S100Z: variants seen among roughly 807,000 people sequenced by gnomAD.
S100Z encodes protein S100-Z.
In S100Z, 11 loss-of-function variants were observed where a neutral mutation model predicts 8.5. That is an observed-to-expected ratio of 1.30 (90% confidence interval 0.82 to 2.15). The LOEUF is 2.15. Ranked by LOEUF, S100Z falls within the 30% of genes most tolerant of loss-of-function variation. S100Z has a pLI of 0.00. For missense variants in S100Z, 126 were observed against 117.9 expected (o/e 1.07, Z -0.32); for synonymous variants, 34 against 43.8 (o/e 0.78, Z 0.89).
At chr5:76,893,466 C>T (rs941698667) in intron 4 of S100Z, among the ~76,000 whole-genome samples, 1 of 151,860 alleles carries the variant, frequency 6.6e-6, no homozygotes, top group African/African-American at 2.4e-5. Context: ...TTGATTGAAC[C>T]TAGGAGGTCA....
intron 4 of S100Z, among the ~76,000 whole-genome samples, chr5:76,901,791 A>G (rs966381946): frequency 6.6e-6 from 1 of 152,104 alleles, no homozygotes; most frequent in Admixed American, 6.5e-5. Context: ...GTTGCTCCAT[A>G]GCCACCACAG....
intron 2 of S100Z, among the ~76,000 whole-genome samples, chr5:76,871,724 A>G (rs1218439696): frequency 6.6e-6 from 1 of 151,938 alleles, no homozygotes; most frequent in Non-Finnish European, 1.5e-5. Context: ...ACAGGGTTTC[A>G]CCATGTTGGC....
chr5:76,936,655 AC>A, the S100Z span, among the ~76,000 whole-genome samples: 1 of 150,074 alleles, frequency 6.7e-6, no homozygotes, highest in African/African-American at 2.5e-5. Context: ...ACACACACAC[AC>A]AACCATGAAG....
chr5:76,893,629 C>T (rs892013989), intron 4 of S100Z, among the ~76,000 whole-genome samples: 7 of 152,076 alleles, frequency 4.6e-5, no homozygotes, highest in Admixed American at 3.9e-4. Context: ...ATGTTCGGTG[C>T]CTCCAGGGAA....
chr5:76,896,331 C>T (rs1305688645), intron 4 of S100Z, among the ~76,000 whole-genome samples: 2 of 152,156 alleles, frequency 1.3e-5, no homozygotes, highest in Admixed American at 6.5e-5. Context: ...ACATAATGAT[C>T]TTCAGTTCCA....
rs138012786 is a variant in S100Z, at chr5:76,886,195, G to A, written c.*2+8361G>A. On this transcript the variant is annotated intron_variant, in intron 4 of 4. Transcript: ENST00000317593. ...CCGTGAGGTCAGACACCTCTGAAAC[G>A]TGGGTGAATAATCAGGCAGGCGACC... 6.4e-3 allele frequency among the ~76,000 whole-genome samples: 968 copies of A among 152,308 alleles called. 1 individual carries two copies. Among genetic ancestry groups the A allele is most frequent in the Middle Eastern group, 0.017 (5 of 292 alleles).
rs1354775470 is a variant in S100Z at position 76,898,414 on chromosome 5, C to T, written c.*2+20580C>T. Among the ~76,000 whole-genome samples the T allele has an allele frequency of 3.9e-5, 6 of 152,070 alleles. No individual in the cohort carries two copies. The South Asian group carries it at 1.2e-3, about 32-fold the overall frequency. On this transcript the variant is annotated intron_variant, in intron 4 of 4. Coordinates refer to ENST00000317593, the MANE Select transcript of S100Z (RefSeq NM_130772.4). ...GGGTGGATCCAGGTGATCCGCCCAC[C>T]TCGGCCTCCCAAAGTGCTGGGATTA...
chr5:76,922,814 T>G (rs1479246726), downstream of S100Z, among the ~76,000 whole-genome samples: 1 of 152,128 alleles, frequency 6.6e-6, no homozygotes, highest in African/African-American at 2.4e-5. Context: ...TGAGCCACCA[T>G]GCCTAGCCAA....
At chr5:76,850,876 T>C in intron 1 of S100Z, among the ~76,000 whole-genome samples, 1 of 152,158 alleles carries the variant, frequency 6.6e-6, no homozygotes, top group East Asian at 1.9e-4. Context: ...TGGAGTGCAG[T>C]GGTGTGATCT....
intron 4 of S100Z, among the ~76,000 whole-genome samples, chr5:76,912,661 A>G (rs1275912596): frequency 6.6e-6 from 1 of 152,170 alleles, no homozygotes. Flanking sequence ...TCTGGGGGGA[A>G]CCCCCATAAA....
chr5:76,947,818 A>G, the S100Z span, among the ~76,000 whole-genome samples: 1 of 152,226 alleles, frequency 6.6e-6, no homozygotes, highest in Non-Finnish European at 1.5e-5. Flanking sequence ...CAAGTGCAAA[A>G]TAATAAAATT....
At chr5:76,878,230 T>C (rs1743269772) in intron 4 of S100Z, 1 of 154,938 alleles carries the variant, frequency 6.5e-6, no homozygotes, top group South Asian at 2.0e-4. Context: ...GTTTCCTCAT[T>C]CTCTTGTGAC....
intron 4 of S100Z, among the ~76,000 whole-genome samples, chr5:76,913,465 G>C (rs1416999612): frequency 6.6e-6 from 1 of 152,212 alleles, no homozygotes. Flanking sequence ...ACAGAATCAG[G>C]AAGGAGCCAT....
At chr5:76,926,953 T>C in the S100Z span, among the ~76,000 whole-genome samples, 9,795 of 152,298 alleles carry the variant, frequency 0.064, 1,041 homozygotes, top group African/African-American at 0.22. Flanking sequence ...GGATGTTTTG[T>C]TATGAACTCT....
chr5:76,924,249 T>C (rs1466673354), downstream of S100Z, among the ~76,000 whole-genome samples: 1 of 152,184 alleles, frequency 6.6e-6, no homozygotes, highest in Non-Finnish European at 1.5e-5. Flanking sequence ...TTCCCTGCTC[T>C]TTCCTCCCCT....
At chr5:76,904,128 G>A (rs570790390) in intron 4 of S100Z, among the ~76,000 whole-genome samples, 2 of 152,136 alleles carry the variant, frequency 1.3e-5, no homozygotes, top group East Asian at 3.9e-4. Context: ...AGTTTTAAGA[G>A]TTCTTTATAT....
At chr5:76,906,258 C>G (rs193153807) in intron 4 of S100Z, among the ~76,000 whole-genome samples, 70 of 152,256 alleles carry the variant, frequency 4.6e-4, no homozygotes, top group African/African-American at 1.3e-3. Flanking sequence ...AACATTTAAT[C>G]ACTTCACATA....
At chr5:76,875,681 T>C (rs1381153167) in intron 3 of S100Z, among the ~76,000 whole-genome samples, 181 bp downstream of exon 3, 1 of 152,312 alleles carries the variant, frequency 6.6e-6, no homozygotes, top group East Asian at 1.9e-4. Flanking sequence ...TACATAGGCA[T>C]GTGCCCTTTT....
intron 4 of S100Z, among the ~76,000 whole-genome samples, chr5:76,894,756 C>T (rs1185264675): frequency 6.6e-6 from 1 of 151,942 alleles, no homozygotes; most frequent in East Asian, 1.9e-4. Context: ...CTACCATGCC[C>T]AGCTAATTTT....
Sources: allele counts gnomAD v4.1 joint callset (sites outside exome capture counted in the v4.1 genomes callset), GRCh38; gene constraint gnomAD v4.1.1; transcripts MANE v1.5; gene names NCBI Gene and HGNC (gene_info 2026-07-23, HGNC 2026-07-21).